The following FAM222B variants were observed in gnomAD, a reference collection of about 807,000 sequenced individuals.
FAM222B encodes the protein protein FAM222B.
FAM222B carries 12 observed loss-of-function variants against 38.0 expected under a neutral mutation model. The ratio of observed to expected loss-of-function variants is 0.32; its 90% confidence interval spans 0.20 to 0.51. The LOEUF (loss-of-function observed/expected upper bound fraction) is 0.51. FAM222B is among the 20% of genes least tolerant of loss of function. FAM222B has a pLI of 0.97. For missense variants in FAM222B, 716 were observed against 754.2 expected, an observed-to-expected ratio of 0.95 and a Z score of 0.59; for synonymous variants, 329 against 317.2, an observed-to-expected ratio of 1.04 and a Z score of -0.40.
At chr17:28,849,105 C>A (rs1384379969) in intron 1 of FAM222B, 1 of 151,486 alleles carries the variant, frequency 6.6e-6, no homozygotes, top group Non-Finnish European at 1.5e-5. Context: ...ACTAAAAATA[C>A]AAAAAATTAG....
chr17:28,837,069 TC>T (rs2038868931), intron 1 of FAM222B, among the ~76,000 whole-genome samples: 1 of 151,972 alleles, frequency 6.6e-6, no homozygotes, highest in Non-Finnish European at 1.5e-5. Flanking sequence ...TGAGCCAAGA[TC>T]GCACCCCTGC....
At chr17:28,826,323 G>A (rs1464264532) in intron 1 of FAM222B, among the ~76,000 whole-genome samples, 2 of 151,760 alleles carry the variant, frequency 1.3e-5, no homozygotes, top group African/African-American at 2.4e-5. Context: ...GCCTGCCTCG[G>A]CCTCCTAAAG....
chr17:28,835,814 G>A (rs2038827046), intron 1 of FAM222B, among the ~76,000 whole-genome samples: 1 of 151,866 alleles, frequency 6.6e-6, no homozygotes, highest in Non-Finnish European at 1.5e-5. Context: ...TGGGACTATA[G>A]GTGCATGCCA....
chr17:28,832,256 AATCTAAT>A (rs1312249086), intron 1 of FAM222B, among the ~76,000 whole-genome samples: 6 of 152,182 alleles, frequency 3.9e-5, no homozygotes, highest in Non-Finnish European at 8.8e-5. Context: ...GAGGATTAGA[AATCTAAT>A]ATCTATTTTT....
intron 1 of FAM222B, among the ~76,000 whole-genome samples, chr17:28,839,848 CCAGA>C (rs1375488197): frequency 6.6e-6 from 1 of 151,770 alleles, no homozygotes; most frequent in Non-Finnish European, 1.5e-5. Flanking sequence ...ACACATTTTA[CCAGA>C]CAGAGAAGTT....
chr17:28,817,695 G>A (rs1369835992), intron 1 of FAM222B, among the ~76,000 whole-genome samples: 1 of 152,018 alleles, frequency 6.6e-6, no homozygotes, highest in Non-Finnish European at 1.5e-5. Flanking sequence ...CTCCAGCTTG[G>A]GCAACAAGAG....
At chr17:28,791,131 C>T (rs753042154) in intron 1 of FAM222B, among the ~76,000 whole-genome samples, 79 of 151,562 alleles carry the variant, frequency 5.2e-4, no homozygotes, top group Non-Finnish European at 5.3e-4. Flanking sequence ...AGGATGGTCT[C>T]GATCTCCTGA....
At position 28,825,293 on chromosome 17, in the gene FAM222B, G is replaced by A. The variant is rs544651205; in HGVS notation, c.-41+17389C>T. 7.2e-5 allele frequency among the ~76,000 whole-genome samples: 11 copies of A among 151,776 alleles called. No individual in the cohort carries two copies. The East Asian group carries it at 1.2e-3, about 16-fold the overall frequency. Reference sequence around the variant, plus strand: ...ACCAAAAATACAAAAAAAATTAGCCGGACGTAGAGGCGTGCACCTATGGTC... The same window carrying A: ...ACCAAAAATACAAAAAAAATTAGCCAGACGTAGAGGCGTGCACCTATGGTC... On this transcript the variant is annotated intron_variant, in intron 1 of 2. Transcript: ENST00000581407.
chr17:28,807,381 T>C (rs1237140368), intron 1 of FAM222B, among the ~76,000 whole-genome samples: 1 of 151,886 alleles, frequency 6.6e-6, no homozygotes, highest in East Asian at 1.9e-4. Flanking sequence ...TGTGTGTGTT[T>C]TTTTGTTTGT....
intron 1 of FAM222B, among the ~76,000 whole-genome samples, chr17:28,821,446 G>C (rs1276317562): frequency 6.6e-6 from 1 of 152,082 alleles, no homozygotes; most frequent in African/African-American, 2.4e-5. Flanking sequence ...ATTTTCATTA[G>C]TAGTCATGCA....
At chr17:28,760,889 TGTTTACA>T (rs887405472) in intron 2 of FAM222B, among the ~76,000 whole-genome samples, 2 of 152,254 alleles carry the variant, frequency 1.3e-5, no homozygotes, top group Non-Finnish European at 2.9e-5. Context: ...AGTTCACTTT[TGTTTACA>T]GTTTACTCTA....
intron 1 of FAM222B, among the ~76,000 whole-genome samples, chr17:28,783,274 C>T (rs1389440918): frequency 1.3e-5 from 2 of 151,972 alleles, no homozygotes; most frequent in Non-Finnish European, 1.5e-5. Context: ...GATGTGGTAG[C>T]AAGGACAAGT....
intron 1 of FAM222B, among the ~76,000 whole-genome samples, chr17:28,781,688 G>T (rs987495342): frequency 6.6e-6 from 1 of 152,164 alleles, no homozygotes; most frequent in Admixed American, 6.6e-5. Context: ...TAAACACAAT[G>T]AAAGACTATT....
chr17:28,815,541 A>G (rs1036636748), intron 1 of FAM222B, among the ~76,000 whole-genome samples: 9 of 149,842 alleles, frequency 6.0e-5, no homozygotes, highest in African/African-American at 2.0e-4. Context: ...AAAATAAAAA[A>G]GCGGGCCAGG....
chr17:28,825,641 G>C (rs1323594837), intron 1 of FAM222B, among the ~76,000 whole-genome samples: 2 of 151,898 alleles, frequency 1.3e-5, no homozygotes, highest in Non-Finnish European at 2.9e-5. Flanking sequence ...TGTTTGATCT[G>C]CTGATCTTCA....
rs1265240892 is a variant in FAM222B at position 28,828,129 on chromosome 17, A to C, written c.-41+14553T>G. 3.3e-4 allele frequency among the ~76,000 whole-genome samples: 18 copies of C among 55,022 alleles called. No homozygotes were observed. In the Admixed American group the frequency reaches 3.9e-3, roughly 12 times the overall value. 36.1% of individuals were successfully genotyped at this position (55,022 alleles called of 152,430 possible). A position where few individuals can be genotyped will look rare whatever the true frequency, so the allele number is the denominator to read the frequency against. ...TTTTTTTTTTTTTTTTTTTTTTTTG[A>C]GACAGAGTTTCACTCTTGTTGCCCA... On this transcript the variant is annotated intron_variant, in intron 1 of 2. Coordinates refer to ENST00000581407, the MANE Select transcript of FAM222B (RefSeq NM_001077498.3).
At chr17:28,840,423 C>G (rs1354931095) in intron 1 of FAM222B, among the ~76,000 whole-genome samples, 2 of 152,114 alleles carry the variant, frequency 1.3e-5, no homozygotes, top group Admixed American at 1.3e-4. Flanking sequence ...ATAGTTTGTC[C>G]TCTGCTTTGT....
At chr17:28,839,003 C>G (rs1443465815) in intron 1 of FAM222B, among the ~76,000 whole-genome samples, 2 of 151,902 alleles carry the variant, frequency 1.3e-5, no homozygotes, top group East Asian at 1.9e-4. Flanking sequence ...AGGAGATCGA[C>G]ACCATCCTGG....
chr17:28,843,576 T>C (rs1292891885), upstream of FAM222B, among the ~76,000 whole-genome samples: 1 of 149,222 alleles, frequency 6.7e-6, no homozygotes, highest in East Asian at 2.0e-4. Context: ...GCCTCCTGAC[T>C]AGCTGGGATT....
Sources: gnomAD v4.1 joint callset for allele counts (sites outside exome capture counted in the v4.1 genomes callset) on GRCh38, gnomAD v4.1.1 for gene constraint, MANE v1.5 for transcripts, NCBI Gene and HGNC (gene_info 2026-07-23, HGNC 2026-07-21) for gene names.